FARP2: variants seen among roughly 807,000 people sequenced by gnomAD.
FARP2 encodes the protein FERM, ARHGEF and pleckstrin domain-containing protein 2.
In FARP2, 111 loss-of-function variants were observed where a neutral mutation model predicts 130.5. That is an observed-to-expected ratio of 0.85 (90% confidence interval 0.73 to 1.00). The LOEUF is 1.00. Among genes scored for constraint, FARP2 ranks in the 50% least tolerant of loss-of-function variants. The pLI, the probability that FARP2 is intolerant of heterozygous loss-of-function variation, is 0.00. For synonymous variants in FARP2, 504 were observed against 516.9 expected, an observed-to-expected ratio of 0.98 and a Z score of 0.34; for missense variants, 1,385 against 1,346.3, an observed-to-expected ratio of 1.03 and a Z score of -0.45.
chr2:241,395,552 C>A (rs1055741267), intron 2 of FARP2: 2 of 152,210 alleles, frequency 1.3e-5, no homozygotes, highest in Non-Finnish European at 2.9e-5. Context: ...CCTGTGGTCA[C>A]CTGGCTGGTT....
intron 2 of FARP2, among the ~76,000 whole-genome samples, chr2:241,391,392 T>A (rs2061900699): frequency 6.6e-6 from 1 of 152,206 alleles, no homozygotes; most frequent in African/African-American, 2.4e-5. Flanking sequence ...TTGGGGTGTG[T>A]CCTTCTTGAT....
At chr2:241,483,922 T>C in intron 20 of FARP2, 1 of 985,492 alleles carries the variant, frequency 1.0e-6, no homozygotes, top group Non-Finnish European at 1.2e-6. Context: ...TCCTTGTTCC[T>C]ACCAGTTAGT....
intron 4 of FARP2, among the ~76,000 whole-genome samples, chr2:241,406,335 A>T (rs1362213543): frequency 1.3e-5 from 2 of 151,918 alleles, no homozygotes; most frequent in Non-Finnish European, 2.9e-5. Flanking sequence ...ACAAAAACAT[A>T]AACTGGGGAA....
chr2:241,407,455 C>A, intron 4 of FARP2, 82 bp from the exon 5 acceptor site: 1 of 1,012,340 alleles, frequency 9.9e-7, no homozygotes, highest in Non-Finnish European at 1.6e-6. Flanking sequence ...GGAAGCATGA[C>A]CTCAGTTATA....
chr2:241,471,139 AGG>A (rs1187913854), intron 18 of FARP2, among the ~76,000 whole-genome samples: 2 of 142,642 alleles, frequency 1.4e-5, no homozygotes, highest in African/African-American at 5.3e-5. Flanking sequence ...TTCTGTTCTG[AGG>A]GGTCTCTGTT....
At position 241,468,724 on chromosome 2, in the gene FARP2, G is replaced by A. The variant is rs1379829650; in HGVS notation, c.2131+347G>A. 3.9e-5 allele frequency among the ~76,000 whole-genome samples: 6 copies of A among 152,366 alleles called. No homozygotes were observed. The East Asian group carries it at 9.7e-4, about 25-fold the overall frequency. ...TGGGGACCCCACAGCCCCCACAAGT[G>A]CACTGGGGAATGGGGTGCAACCCCC... On this transcript the variant is annotated intron_variant, in intron 18 of 26. Coordinates refer to ENST00000264042, the MANE Select transcript of FARP2 (RefSeq NM_014808.4).
intron 2 of FARP2, among the ~76,000 whole-genome samples, chr2:241,388,643 G>A (rs1286450616): frequency 2.6e-5 from 4 of 152,072 alleles, no homozygotes; most frequent in Non-Finnish European, 5.9e-5. Context: ...CTTATAGCCT[G>A]GGCAACATAG....
chr2:241,436,446 G>A, intron 11 of FARP2, 35 bp from the exon 12 acceptor site: 1 of 1,596,192 alleles, frequency 6.3e-7, no homozygotes, highest in Non-Finnish European at 8.6e-7. Context: ...GAAGGGGAGG[G>A]CTTGGTTTCT....
At chr2:241,484,378 T>C in intron 21 of FARP2, 47 bp downstream of exon 21, 2 of 1,501,222 alleles carry the variant, frequency 1.3e-6, no homozygotes, top group Non-Finnish European at 1.9e-6. Context: ...GGTGCTGGGC[T>C]GGGCCCCACC....
chr2:241,429,839 T>C (rs1471252598), intron 8 of FARP2, among the ~76,000 whole-genome samples: 1 of 152,196 alleles, frequency 6.6e-6, no homozygotes, highest in Non-Finnish European at 1.5e-5. Context: ...TCCCAGCTGC[T>C]CCAGAGGCTG....
At chr2:241,436,437 A>G (rs1390445587) in intron 11 of FARP2, 44 bp from the exon 12 acceptor site, 1 of 1,586,748 alleles carries the variant, frequency 6.3e-7, no homozygotes, top group African/African-American at 1.3e-5. Flanking sequence ...AGGCGCTGAG[A>G]AGGGGAGGGC....
At chr2:241,492,900 A>T (rs2064979446) in intron 24 of FARP2, 29 bp from the exon 25 acceptor site, 1 of 1,331,096 alleles carries the variant, frequency 7.5e-7, no homozygotes, top group Non-Finnish European at 1.1e-6. Flanking sequence ...GTGCTGGTTA[A>T]TGCACCTGCA....
chr2:241,489,872 C>T, intron 21 of FARP2, 90 bp from the exon 22 acceptor site: 1 of 838,232 alleles, frequency 1.2e-6, no homozygotes, highest in Non-Finnish European at 2.0e-6. Context: ...CCCCACCTAG[C>T]ATTGCCAGCA....
chr2:241,466,778 T>G, intron 17 of FARP2: 1 of 176,874 alleles, frequency 5.7e-6, no homozygotes, highest in Non-Finnish European at 1.1e-5. Flanking sequence ...CCCTTTGGCC[T>G]CCCTGTACCC....
intron 2 of FARP2, among the ~76,000 whole-genome samples, chr2:241,374,554 G>A (rs1028296588): frequency 6.6e-6 from 1 of 152,112 alleles, no homozygotes; most frequent in African/African-American, 2.4e-5. Context: ...ACCTTATTGC[G>A]GAATGCATTG....
In FARP2 at chr2:241,395,028, T is replaced by C. The variant is rs577052507; in HGVS notation, c.184-8800T>C. Among the ~76,000 whole-genome samples, 4 of 152,340 alleles carry C rather than the reference T, an allele frequency of 2.6e-5. No individual in the cohort carries two copies. In the South Asian group the frequency reaches 8.3e-4, roughly 32 times the overall value. On this transcript the variant is annotated intron_variant, in intron 2 of 26. Transcript: ENST00000264042. ...TGTGCCAGGCATGGTGCTCAGCGGC[T>C]TTCCTGTGCTACCTTATTACACTCC... is the stretch of plus-strand genomic sequence containing the variant.
At chr2:241,403,033 A>G (rs1330685383) in intron 2 of FARP2, among the ~76,000 whole-genome samples, 1 of 147,518 alleles carries the variant, frequency 6.8e-6, no homozygotes, top group Admixed American at 6.8e-5. Flanking sequence ...TGCTCAGCCC[A>G]TTCTTTTCCT....
intron 8 of FARP2, among the ~76,000 whole-genome samples, chr2:241,425,937 T>A (rs1167319299): frequency 1.3e-5 from 2 of 151,500 alleles, no homozygotes; most frequent in African/African-American, 2.4e-5. Flanking sequence ...ATTTTTTTTT[T>A]AAATTTGGTG....
At position 241,437,677 on chromosome 2, in the gene FARP2, T is replaced by A. The variant is rs1471463410; in HGVS notation, c.1158+1139T>A. On this transcript the variant is annotated intron_variant, in intron 12 of 26. Coordinates refer to ENST00000264042, the MANE Select transcript of FARP2 (RefSeq NM_014808.4). The stretch of plus-strand genomic sequence containing the variant: ...TTATTTATTTATTTATTTATTTTTT[T>A]TTTTTGAGACGGAGTCTTGCTCTGT... Among the ~76,000 whole-genome samples the A allele has an allele frequency of 2.0e-5, 3 of 149,354 alleles. No homozygotes were observed. The South Asian group carries it at 6.3e-4, about 32-fold the overall frequency.
Sources: allele counts gnomAD v4.1 joint callset (sites outside exome capture counted in the v4.1 genomes callset), GRCh38; gene constraint gnomAD v4.1.1; transcripts MANE v1.5; gene names NCBI Gene and HGNC (gene_info 2026-07-23, HGNC 2026-07-21).